The following FLT1 variants were observed in gnomAD, a reference collection of about 807,000 sequenced individuals.
FLT1 encodes vascular endothelial growth factor receptor 1.
In FLT1, 49 loss-of-function variants were observed where a neutral mutation model predicts 156.3. The ratio of observed to expected loss-of-function variants is 0.31; its 90% CI spans 0.25 to 0.40. The LOEUF (loss-of-function observed/expected upper bound fraction) is 0.40. FLT1 is among the 10% of genes least tolerant of loss of function. The pLI, the probability that FLT1 is intolerant of heterozygous loss-of-function variation, is 1.00. For missense variants in FLT1, 1,322 were observed against 1,637.2 expected, an observed-to-expected ratio of 0.81 and a Z score of 3.32; for synonymous variants, 594 against 583.8, an observed-to-expected ratio of 1.02 and a Z score of -0.25.
intron 29 of FLT1, among the ~76,000 whole-genome samples, chr13:28,305,697 G>A (rs1425699775): frequency 1.3e-5 from 2 of 152,280 alleles, no homozygotes; most frequent in East Asian, 1.9e-4. Flanking sequence ...TGTGGCCCAC[G>A]GGCTGCATGA....
chr13:28,415,084 A>G (rs1418729088), intron 10 of FLT1, among the ~76,000 whole-genome samples: 1 of 152,232 alleles, frequency 6.6e-6, no homozygotes. Context: ...TGACATGCAA[A>G]GCAGTGTCAT....
chr13:28,319,187 C>T (rs907564953), intron 24 of FLT1, among the ~76,000 whole-genome samples: 1 of 152,136 alleles, frequency 6.6e-6, no homozygotes, highest in African/African-American at 2.4e-5. Context: ...TCGTATAAAG[C>T]CCTTTTACAT....
intron 14 of FLT1, among the ~76,000 whole-genome samples, chr13:28,371,410 C>G (rs552037805): frequency 1.2e-4 from 19 of 152,306 alleles, no homozygotes; most frequent in African/African-American, 4.6e-4. Context: ...CGCTGTCTCA[C>G]TCTGTCCCTC....
chr13:28,405,416 A>G (rs1875724250), intron 11 of FLT1, among the ~76,000 whole-genome samples: 1 of 152,186 alleles, frequency 6.6e-6, no homozygotes, highest in Non-Finnish European at 1.5e-5. Context: ...CCCGTTAGGT[A>G]CTGGAATCAC....
intron 15 of FLT1, among the ~76,000 whole-genome samples, chr13:28,350,091 T>C (rs1872693209): frequency 1.3e-5 from 2 of 152,158 alleles, no homozygotes; most frequent in African/African-American, 2.4e-5. Flanking sequence ...TGGTGACAGC[T>C]GATGAGCTAA....
chr13:28,351,144 G>A (rs1327138182), intron 15 of FLT1, among the ~76,000 whole-genome samples: 1 of 151,864 alleles, frequency 6.6e-6, no homozygotes, highest in African/African-American at 2.4e-5. Flanking sequence ...TTGGACCTAA[G>A]TACTCATCAA....
At chr13:28,338,726 T>C (rs894170788) in intron 17 of FLT1, among the ~76,000 whole-genome samples, 3 of 152,244 alleles carry the variant, frequency 2.0e-5, no homozygotes, top group Non-Finnish European at 4.4e-5. Context: ...GATTTCACTG[T>C]TCCTTGCCAC....
chr13:28,441,527 C>T (rs992275006), intron 3 of FLT1, among the ~76,000 whole-genome samples: 6 of 152,132 alleles, frequency 3.9e-5, no homozygotes, highest in Admixed American at 1.3e-4. Flanking sequence ...CATACAGATT[C>T]GCTGCTGGTA....
At chr13:28,483,724 G>C (rs1027112164) in intron 1 of FLT1, among the ~76,000 whole-genome samples, 1 of 152,220 alleles carries the variant, frequency 6.6e-6, no homozygotes, top group African/African-American at 2.4e-5. Context: ...GTTGCTCACT[G>C]TACAAGGACT....
At chr13:28,475,023 A>G (rs1880464705) in intron 1 of FLT1, among the ~76,000 whole-genome samples, 2 of 152,152 alleles carry the variant, frequency 1.3e-5, no homozygotes, top group South Asian at 4.1e-4. Context: ...CCAGCTTAAA[A>G]CTTTAGAAGG....
At chr13:28,387,655 C>T in intron 13 of FLT1, 3 of 1,064,962 alleles carry the variant, frequency 2.8e-6, no homozygotes, top group Non-Finnish European at 3.4e-6. Flanking sequence ...CAGCCTCACA[C>T]CCCCTGTTCC....
intron 13 of FLT1, chr13:28,385,771 T>G (rs918689514): frequency 1.8e-5 from 18 of 1,016,420 alleles, no homozygotes; most frequent in Non-Finnish European, 1.9e-5. Flanking sequence ...TACAACAAAA[T>G]GAATTCAATA....
intron 12 of FLT1, 78 bp from the exon 13 acceptor site, chr13:28,390,182 T>C (rs1475044655): frequency 1.3e-5 from 20 of 1,573,984 alleles, no homozygotes; most frequent in Admixed American, 1.7e-5. Context: ...ATCTTAAGAA[T>C]TGTTCGTGCA....
intron 15 of FLT1, among the ~76,000 whole-genome samples, chr13:28,353,037 A>G (rs1475019377): frequency 6.6e-6 from 1 of 152,186 alleles, no homozygotes; most frequent in African/African-American, 2.4e-5. Flanking sequence ...TCTACTTTCT[A>G]CTGGATGAGT....
chr13:28,396,779 C>T, intron 12 of FLT1, 181 bp downstream of exon 12: 2 of 695,550 alleles, frequency 2.9e-6, no homozygotes, highest in Non-Finnish European at 5.3e-6. Context: ...GGAAATAACT[C>T]CTTACGAGAT....
intron 1 of FLT1, among the ~76,000 whole-genome samples, chr13:28,489,418 G>T (rs1201490544): frequency 6.6e-6 from 1 of 152,150 alleles, no homozygotes; most frequent in African/African-American, 2.4e-5. Context: ...AAGACATGGG[G>T]TCTCTACCAA....
chr13:28,444,260 G>A (rs1235617902), intron 3 of FLT1, among the ~76,000 whole-genome samples: 1 of 152,082 alleles, frequency 6.6e-6, no homozygotes, highest in Non-Finnish European at 1.5e-5. Context: ...TGGTCAACAT[G>A]GCGAAACCCC....
intron 3 of FLT1, among the ~76,000 whole-genome samples, chr13:28,457,228 G>A (rs1456497580): frequency 2.0e-5 from 3 of 151,852 alleles, no homozygotes; most frequent in Non-Finnish European, 2.9e-5. Context: ...TTTAAAATGA[G>A]AGCACTACTT....
At chr13:28,489,012 C>T (rs1303963502) in intron 1 of FLT1, among the ~76,000 whole-genome samples, 3 of 152,218 alleles carry the variant, frequency 2.0e-5, no homozygotes, top group African/African-American at 7.2e-5. Context: ...CCAACAGAGG[C>T]TAACACAGGA....
Sources: gnomAD v4.1 joint callset for allele counts (sites outside exome capture counted in the v4.1 genomes callset) on GRCh38, gnomAD v4.1.1 for gene constraint, MANE v1.5 for transcripts, NCBI Gene and HGNC (gene_info 2026-07-23, HGNC 2026-07-21) for gene names.